SDR42E2: variants seen among roughly 807,000 people sequenced by gnomAD.
The protein encoded by SDR42E2 is putative short-chain dehydrogenase/reductase family 42E member 2.
In SDR42E2, 20 loss-of-function variants were observed where a neutral mutation model predicts 10.5. That is an observed-to-expected ratio of 1.90 (90% CI 1.34 to 2.77). The LOEUF is 2.77. SDR42E2 is among the 30% of genes most tolerant of loss of function. The pLI is 0.00. For synonymous variants in SDR42E2, 72 were observed against 39.2 expected, an observed-to-expected ratio of 1.84 and a Z score of -3.12; for missense variants, 162 against 104.2, an observed-to-expected ratio of 1.55 and a Z score of -2.42.
Position 22,166,980 on chromosome 16 carries a change from G to C in SDR42E2, c.317G>C (p.Gly106Ala), listed in dbSNP as rs934408201. ...TGTGTCTTCCACGTGGCTTCCTATG[G>C]AATGTCCGGGGCTGAGAAGGTGGGC... Reference protein sequence around the residue: ...VDCVFHVASYGMSGAEKLQKE... With the variant: ...VDCVFHVASYAMSGAEKLQKE... The change falls in exon 4 of 13, where the codon GGA (glycine) becomes GCA (alanine). Residue 106 changes from glycine to alanine, a missense_variant. Gly to Ala is a moderately conservative substitution (Grantham distance 60). Coordinates refer to ENST00000602312, the MANE Select transcript of SDR42E2 (RefSeq NM_001394319.2). 4.3e-6 allele frequency: 3 copies of C among 702,236 alleles called. No individual in the cohort carries two copies. The highest frequency in any genetic ancestry group is 2.0e-5 in the Admixed American group (1 of 49,900). 43.5% of individuals were successfully genotyped at this position (702,236 alleles called of 1,614,324 possible).
chr16:22,175,886 G>A (rs756746060), intron 7 of SDR42E2, among the ~76,000 whole-genome samples: 5 of 151,872 alleles, frequency 3.3e-5, no homozygotes, highest in South Asian at 2.1e-4. Flanking sequence ...CCAGCTACTC[G>A]GGAGGCTGAG....
chr16:22,174,766 GT>G (rs2142068715), intron 7 of SDR42E2, among the ~76,000 whole-genome samples: 1 of 152,186 alleles, frequency 6.6e-6, no homozygotes, highest in Admixed American at 6.5e-5. Flanking sequence ...GCTTTCCATG[GT>G]CAGGAGAGTC....
At position 22,167,170 on chromosome 16, in the gene SDR42E2, T is replaced by TGTG. The variant is rs1184619247; in HGVS notation, c.336+171_336+172insGTG. On this transcript the variant is annotated intron_variant, in intron 4 of 12. Coordinates refer to ENST00000602312, the MANE Select transcript of SDR42E2 (RefSeq NM_001394319.2). ...CACCAAATACCAGTTCTGCCATTTT[T>TGTG]TTTTTTTTTTTTTTTTTTTTTTTTT... Among the ~76,000 whole-genome samples the TGTG allele has an allele frequency of 4.5e-3, 384 of 85,004 alleles. 5 individuals carry two copies. The highest frequency in any genetic ancestry group is 0.01 in the Middle Eastern group (2 of 200). 55.8% of individuals were successfully genotyped at this position (85,004 alleles called of 152,430 possible). A position where few individuals can be genotyped will look rare whatever the true frequency, so the allele number is the denominator to read the frequency against.
rs2046573933 is a variant in SDR42E2, at chr16:22,169,428, C to T, written c.337-17C>T. 2.8e-6 allele frequency: 2 copies of T among 703,342 alleles called. No individual in the cohort carries two copies. The highest frequency in any genetic ancestry group is 1.5e-5 in the South Asian group (1 of 67,602). The allele number at this position is 703,342 out of a possible 1,614,324, so 43.6% of individuals were successfully genotyped here. Reference sequence around the variant, plus strand: ...CATGGGTAGCACCATGACTTTCTCACCTGTCTTGTCTTTTAGCTGCAGAAA... The same window carrying T: ...CATGGGTAGCACCATGACTTTCTCATCTGTCTTGTCTTTTAGCTGCAGAAA... On this transcript the variant is annotated splice_polypyrimidine_tract_variant and intron_variant, in intron 4 of 12. Coordinates refer to ENST00000602312, the MANE Select transcript of SDR42E2 (RefSeq NM_001394319.2).
chr16:22,176,253 G>A (rs2046644194), intron 7 of SDR42E2, among the ~76,000 whole-genome samples: 1 of 151,958 alleles, frequency 6.6e-6, no homozygotes, highest in African/African-American at 2.4e-5. Context: ...AAGAACATTG[G>A]GCCTGTAGGT....
chr16:22,172,781 A>G (rs1314692773), intron 7 of SDR42E2, among the ~76,000 whole-genome samples: 2 of 152,104 alleles, frequency 1.3e-5, no homozygotes, highest in Non-Finnish European at 2.9e-5. Context: ...TGGCTGTCTT[A>G]GTTATTTATT....
rs2046774278 is a variant in SDR42E2, at chr16:22,191,402, GAACCAGGCTGCCGCGTCGCTATGGGCT to G, written c.*1013_*1039del. 6.6e-6 allele frequency: 1 copy of G among 152,468 alleles called. No homozygotes were observed. Among genetic ancestry groups the G allele is most frequent in the Non-Finnish European group, 1.5e-5 (1 of 68,094 alleles). 9.4% of individuals were successfully genotyped at this position (152,468 alleles called of 1,614,324 possible). The stretch of plus-strand genomic sequence containing the variant: ...CCGCCTCCCGGGTAGGTTCTCCCCG[GAACCAGGCTGCCGCGTCGCTATGGGCT>G]AACGCAGGCTCGGGTGACGTTGGTA... On this transcript the variant is annotated 3_prime_UTR_variant, in exon 13 of 13. Coordinates refer to ENST00000602312, the MANE Select transcript of SDR42E2 (RefSeq NM_001394319.2).
rs141215556 is a variant in SDR42E2 at position 22,182,055 on chromosome 16, C to A, written c.811-157C>A. Among the ~76,000 whole-genome samples the A allele has an allele frequency of 4.0e-3, 606 of 152,270 alleles. 4 individuals are homozygous for A. The highest frequency in any genetic ancestry group is 0.014 in the African/African-American group (565 of 41,550). On this transcript the variant is annotated intron_variant, in intron 9 of 12. Transcript: ENST00000602312. ...AGGTCACACAGCTAGTCAGTGTGGT[C>A]GTCCTGGAATTCACAGGGAATAGTT...
At chr16:22,187,508 G>C (rs1363293740) in intron 12 of SDR42E2, among the ~76,000 whole-genome samples, 1 of 151,714 alleles carries the variant, frequency 6.6e-6, no homozygotes, top group Admixed American at 6.6e-5. Flanking sequence ...TCCCAGCTCA[G>C]GTGGGGGATT....
intron 8 of SDR42E2, among the ~76,000 whole-genome samples, chr16:22,178,943 T>C (rs1322970229): frequency 6.6e-6 from 1 of 152,072 alleles, no homozygotes; most frequent in African/African-American, 2.4e-5. Context: ...GCTAGAGTTA[T>C]TGGCGGGGAG....
chr16:22,180,794 G>A (rs1170422811), intron 8 of SDR42E2, among the ~76,000 whole-genome samples: 1 of 152,126 alleles, frequency 6.6e-6, no homozygotes, highest in Non-Finnish European at 1.5e-5. Context: ...ATCACCTGAG[G>A]TCAGGAGTTT....
At chr16:22,181,381 T>C (rs2046691934) in intron 8 of SDR42E2, 138 bp from the exon 9 acceptor site, 7 of 624,660 alleles carry the variant, frequency 1.1e-5, no homozygotes, top group Non-Finnish European at 2.0e-5. Flanking sequence ...GTTGCTGATA[T>C]TCAGAGAGCA....
At chr16:22,189,361 T>C (rs2046755459) in intron 12 of SDR42E2, among the ~76,000 whole-genome samples, 2 of 152,126 alleles carry the variant, frequency 1.3e-5, no homozygotes, top group Admixed American at 6.5e-5. Context: ...GGCTAGAACC[T>C]GGCTCCCCTG....
In SDR42E2 at chr16:22,191,432, C is replaced by G. The variant is rs1360966982; in HGVS notation, c.*1039C>G. 1 of 152,356 alleles carries G rather than the reference C, an allele frequency of 6.6e-6. No homozygotes were observed. Among genetic ancestry groups the G allele is most frequent in the Non-Finnish European group, 1.5e-5 (1 of 68,086 alleles). The allele number at this position is 152,356 out of a possible 1,614,324, so 9.4% of individuals were successfully genotyped here. A position where few individuals can be genotyped will look rare whatever the true frequency, so the allele number is the denominator to read the frequency against. The stretch of plus-strand genomic sequence containing the variant: ...AGGCTGCCGCGTCGCTATGGGCTAA[C>G]GCAGGCTCGGGTGACGTTGGTATGA... On this transcript the variant is annotated 3_prime_UTR_variant, in exon 13 of 13. Coordinates refer to ENST00000602312, the MANE Select transcript of SDR42E2 (RefSeq NM_001394319.2).
At chr16:22,187,937 A>C (rs1598147017) in intron 12 of SDR42E2, among the ~76,000 whole-genome samples, 1 of 152,144 alleles carries the variant, frequency 6.6e-6, no homozygotes, top group African/African-American at 2.4e-5. Context: ...CTCTACTAAA[A>C]ATACAAAAAT....
intron 12 of SDR42E2, among the ~76,000 whole-genome samples, chr16:22,188,363 G>A (rs1160349555): frequency 5.3e-5 from 8 of 152,162 alleles, no homozygotes; most frequent in African/African-American, 1.7e-4. Flanking sequence ...TGAGCCATCC[G>A]GATCAGTGGA....
intron 3 of SDR42E2, among the ~76,000 whole-genome samples, 196 bp from the exon 4 acceptor site, chr16:22,166,708 A>G (rs1297141381): frequency 6.6e-6 from 1 of 152,126 alleles, no homozygotes; most frequent in Non-Finnish European, 1.5e-5. Context: ...AGCGTGATGA[A>G]TGAGCACGGG....
At chr16:22,165,100 G>GTTTA (rs1430149856) in intron 1 of SDR42E2, among the ~76,000 whole-genome samples, 2 of 151,634 alleles carry the variant, frequency 1.3e-5, no homozygotes, top group East Asian at 3.9e-4. Context: ...TTGTTTGTTT[G>GTTTA]TTTTTGAGAC....
intron 7 of SDR42E2, among the ~76,000 whole-genome samples, chr16:22,173,895 A>G (rs909616488): frequency 4.7e-5 from 6 of 128,284 alleles, no homozygotes; most frequent in Non-Finnish European, 8.1e-5. Context: ...ACGTATATAT[A>G]TGTGTGTGTG....
Sources: gnomAD v4.1 joint callset for allele counts (sites outside exome capture counted in the v4.1 genomes callset) on GRCh38, gnomAD v4.1.1 for gene constraint, MANE v1.5 for transcripts, NCBI Gene and HGNC (gene_info 2026-07-23, HGNC 2026-07-21) for gene names.